NRXN1: variants seen among roughly 807,000 people sequenced by gnomAD.
NRXN1 encodes neurexin-1.
NRXN1 carries 39 observed loss-of-function variants against 150.9 expected under a neutral mutation model. That is an observed-to-expected ratio of 0.26 (90% confidence interval 0.20 to 0.34). NRXN1 has a LOEUF of 0.34. Ranked by LOEUF, NRXN1 falls within the 10% of genes least tolerant of loss-of-function variation. The pLI, the probability that NRXN1 is intolerant of heterozygous loss-of-function variation, is 1.00. For synonymous variants in NRXN1, 924 were observed against 757.0 expected, an observed-to-expected ratio of 1.22 and a Z score of -3.62; for missense variants, 1,815 against 1,949.9, an observed-to-expected ratio of 0.93 and a Z score of 1.30.
At chr2:50,882,695 T>G (rs1310518712) in intron 5 of NRXN1, among the ~76,000 whole-genome samples, 1 of 151,854 alleles carries the variant, frequency 6.6e-6, no homozygotes, top group East Asian at 1.9e-4. Context: ...AATAATAATT[T>G]TGGGGATCTG....
intron 17 of NRXN1, among the ~76,000 whole-genome samples, chr2:50,378,954 A>G (rs1360160739): frequency 6.6e-6 from 1 of 152,076 alleles, no homozygotes; most frequent in African/African-American, 2.4e-5. Flanking sequence ...TTTAATGTAA[A>G]CATTCTTAGA....
intron 5 of NRXN1, among the ~76,000 whole-genome samples, chr2:50,667,656 C>G (rs980409814): frequency 2.0e-5 from 3 of 151,928 alleles, no homozygotes; most frequent in African/African-American, 7.2e-5. Context: ...AAATAGATCT[C>G]TAAGAAACGT....
intron 2 of NRXN1, among the ~76,000 whole-genome samples, chr2:50,962,287 A>T (rs1156422689): frequency 6.6e-6 from 1 of 151,696 alleles, no homozygotes; most frequent in African/African-American, 2.4e-5. Context: ...TGTTCTTCCT[A>T]TCTACTTTCC....
Position 49,934,785 on chromosome 2 carries a change from TTCTC to T in NRXN1, c.4216+8915_4216+8918del, listed in dbSNP as rs956305320. ...TTCTTCTCTCGAAAGCACTCTCCCTTTCTCTCTCTCTCTCTTTTTGTTTAGTATA... is the reference window on the plus strand; with the variant it reads ...TTCTTCTCTCGAAAGCACTCTCCCTTTCTCTCTCTCTTTTTGTTTAGTATA... On this transcript the variant is annotated intron_variant, in intron 22 of 22. Transcript: ENST00000401669. 2.1e-4 allele frequency among the ~76,000 whole-genome samples: 32 copies of T among 151,616 alleles called. 1 individual carries two copies. The highest frequency in any genetic ancestry group is 6.3e-4 in the African/African-American group (26 of 41,310).
intron 17 of NRXN1, among the ~76,000 whole-genome samples, chr2:50,463,673 T>A (rs190141365): frequency 6.6e-6 from 1 of 151,942 alleles, no homozygotes; most frequent in Admixed American, 6.6e-5. Flanking sequence ...GGTGTTTCTT[T>A]AGGGAAAGTC....
chr2:50,317,816 A>T (rs539495015), intron 17 of NRXN1, among the ~76,000 whole-genome samples: 92 of 152,174 alleles, frequency 6.0e-4, no homozygotes, highest in African/African-American at 2.2e-3. Context: ...AAAGATCATG[A>T]AAGGAATTGA....
chr2:50,502,472 TCAGA>T (rs2091998801), intron 13 of NRXN1, among the ~76,000 whole-genome samples: 1 of 150,266 alleles, frequency 6.7e-6, no homozygotes, highest in Non-Finnish European at 1.5e-5. Context: ...CCACACACAC[TCAGA>T]CACACAAACA....
chr2:49,976,786 G>A (rs373679391), intron 21 of NRXN1, among the ~76,000 whole-genome samples: 2 of 152,140 alleles, frequency 1.3e-5, no homozygotes, highest in African/African-American at 4.8e-5. Context: ...TTAGAGTGAC[G>A]ATTAACCCAA....
intron 17 of NRXN1, among the ~76,000 whole-genome samples, chr2:50,383,394 A>C (rs1302044734): frequency 6.6e-6 from 1 of 152,180 alleles, no homozygotes; most frequent in Non-Finnish European, 1.5e-5. Flanking sequence ...CATTAAGAGG[A>C]AATCTCCATA....
intron 5 of NRXN1, among the ~76,000 whole-genome samples, chr2:50,885,408 A>G (rs1167593913): frequency 6.6e-6 from 1 of 151,162 alleles, no homozygotes; most frequent in Non-Finnish European, 1.5e-5. Context: ...CCCACAAGTG[A>G]TATCACTGTT....
intron 2 of NRXN1, among the ~76,000 whole-genome samples, chr2:50,947,073 T>A (rs545360129): frequency 6.6e-6 from 1 of 152,142 alleles, no homozygotes; most frequent in African/African-American, 2.4e-5. Flanking sequence ...TTTCTCTTAA[T>A]TCCAAATGTT....
At chr2:50,856,891 GAATAATTCCCAGATA>G (rs1675352571) in intron 5 of NRXN1, among the ~76,000 whole-genome samples, 2 of 152,022 alleles carry the variant, frequency 1.3e-5, no homozygotes, top group Admixed American at 1.3e-4. Flanking sequence ...GGTTTATCAG[GAATAATTCCCAGATA>G]ACTAGCTCTA....
intron 17 of NRXN1, among the ~76,000 whole-genome samples, chr2:50,384,673 C>T (rs1280575692): frequency 6.6e-6 from 1 of 152,140 alleles, no homozygotes; most frequent in Non-Finnish European, 1.5e-5. Context: ...CTTGGAAACT[C>T]CACTTAATGG....
intron 18 of NRXN1, among the ~76,000 whole-genome samples, chr2:50,230,332 A>G (rs1024331247): frequency 3.3e-5 from 5 of 152,128 alleles, no homozygotes; most frequent in South Asian, 2.1e-4. Flanking sequence ...GAGTTGAAAG[A>G]TAAGTAGAAA....
At chr2:50,915,258 A>G (rs1320991304) in intron 5 of NRXN1, among the ~76,000 whole-genome samples, 1 of 151,654 alleles carries the variant, frequency 6.6e-6, no homozygotes, top group African/African-American at 2.4e-5. Flanking sequence ...TGGTATTCAG[A>G]TAACTAGGTG....
Position 50,692,562 on chromosome 2 carries a change from C to T in NRXN1, c.833-68947G>A, listed in dbSNP as rs183248445. Among the ~76,000 whole-genome samples the T allele has an allele frequency of 1.4e-3, 218 of 152,118 alleles. 2 individuals carry two copies. The highest frequency in any genetic ancestry group is 5.1e-3 in the African/African-American group (212 of 41,516). On this transcript the variant is annotated intron_variant, in intron 5 of 22. Transcript: ENST00000401669. ...AAAGCCACATTCAAATATGATATAA[C>T]ACAGAGAATCAAAATCAATCATCTA...
intron 17 of NRXN1, among the ~76,000 whole-genome samples, chr2:50,282,817 G>A (rs1167755055): frequency 6.6e-6 from 1 of 151,974 alleles, no homozygotes; most frequent in Non-Finnish European, 1.5e-5. Flanking sequence ...TTGAGTAGTC[G>A]AGGCAAACAG....
chr2:50,901,065 T>C (rs1048257821), intron 5 of NRXN1, among the ~76,000 whole-genome samples: 6 of 152,172 alleles, frequency 3.9e-5, no homozygotes, highest in African/African-American at 1.4e-4. Context: ...TATCACTATC[T>C]GACACACTAT....
intron 15 of NRXN1, among the ~76,000 whole-genome samples, chr2:50,483,993 C>A (rs946976424): frequency 6.6e-5 from 10 of 151,860 alleles, no homozygotes; most frequent in African/African-American, 2.2e-4. Flanking sequence ...TGGGGAAGAC[C>A]CAGTGGTATA....
Sources: gnomAD v4.1 joint callset for allele counts (sites outside exome capture counted in the v4.1 genomes callset) on GRCh38, gnomAD v4.1.1 for gene constraint, MANE v1.5 for transcripts, NCBI Gene and HGNC (gene_info 2026-07-23, HGNC 2026-07-21) for gene names.